The following SIPA1L2 variants were observed in gnomAD, a reference collection of about 807,000 sequenced individuals.
The protein encoded by SIPA1L2 is signal-induced proliferation-associated 1-like protein 2.
Under a neutral mutation model 163.9 loss-of-function variants are expected in SIPA1L2, and 56 were observed. The observed-to-expected ratio is 0.34, with a 90% CI of 0.28 to 0.43. The LOEUF (loss-of-function observed/expected upper bound fraction) is 0.43. Ranked by LOEUF, SIPA1L2 falls within the 20% of genes least tolerant of loss-of-function variation. SIPA1L2 has a pLI of 1.00. For missense variants in SIPA1L2, 1,974 were observed against 2,193.5 expected, an observed-to-expected ratio of 0.90 and a Z score of 2.00; for synonymous variants, 877 against 865.7, an observed-to-expected ratio of 1.01 and a Z score of -0.23.
At chr1:232,619,300 A>G (rs904061489) in intron 1 of SIPA1L2, among the ~76,000 whole-genome samples, 1 of 152,214 alleles carries the variant, frequency 6.6e-6, no homozygotes, top group Non-Finnish European at 1.5e-5. Flanking sequence ...TTCTCAGCTA[A>G]CCACACAGTC....
At chr1:232,539,138 C>T (rs1657488433) in intron 2 of SIPA1L2, among the ~76,000 whole-genome samples, 1 of 152,208 alleles carries the variant, frequency 6.6e-6, no homozygotes, top group African/African-American at 2.4e-5. Flanking sequence ...CAATCTCCAG[C>T]CTTCTACCAG....
In SIPA1L2 at chr1:232,490,985, A is replaced by T. The variant is rs1247175394; in HGVS notation, c.1695T>A (p.Pro565=). Residue 565 remains proline (P), a synonymous_variant, in exon 5 of 23, where the codon CCT becomes CCA. Coordinates refer to ENST00000674635, the MANE Select transcript of SIPA1L2 (RefSeq NM_020808.5). ...TGACGTATTCCAAAACTTCTTTGAG[A>T]GGTAGTCCTCGTGCGGTACCATGCC... ...TARHGTARGL[P]LKEVLEYVIP... 1.2e-6 allele frequency: 2 copies of T among 1,614,180 alleles called. No homozygotes were observed. The highest frequency in any genetic ancestry group is 3.3e-5 in the Admixed American group (2 of 60,032).
At chr1:232,483,402 C>T (rs1034786631) in intron 6 of SIPA1L2, among the ~76,000 whole-genome samples, 4 of 152,112 alleles carry the variant, frequency 2.6e-5, no homozygotes, top group African/African-American at 4.8e-5. Flanking sequence ...CCCAATAACA[C>T]AGCATGAATG....
intron 1 of SIPA1L2, among the ~76,000 whole-genome samples, chr1:232,624,315 T>C (rs773552059): frequency 6.6e-6 from 1 of 152,198 alleles, no homozygotes; most frequent in African/African-American, 2.4e-5. Flanking sequence ...TTCCTAAAAT[T>C]ACTTATTAGA....
In SIPA1L2 at chr1:232,629,996, C is replaced by A. The variant is rs1040808837; in HGVS notation, c.-446G>T. Among the ~76,000 whole-genome samples the A allele has an allele frequency of 6.6e-5, 10 of 150,430 alleles. No homozygotes were observed. Among genetic ancestry groups the A allele is most frequent in the Non-Finnish European group, 1.3e-4 (9 of 67,392 alleles). ...CGGCCCGGACTCTCCCCGCGCCGGG[C>A]TCCGGCGGAGGCGGCCCGGACCCGC... On this transcript the variant is annotated 5_prime_UTR_variant, in exon 1 of 23. Transcript: ENST00000674635.
chr1:232,469,546 G>C (rs1664695703), intron 8 of SIPA1L2, among the ~76,000 whole-genome samples: 1 of 152,186 alleles, frequency 6.6e-6, no homozygotes, highest in South Asian at 2.1e-4. Flanking sequence ...CAACGAAGCT[G>C]ATGAGGCACT....
At chr1:232,538,816 G>A (rs1657468479) in intron 2 of SIPA1L2, among the ~76,000 whole-genome samples, 1 of 152,158 alleles carries the variant, frequency 6.6e-6, no homozygotes, top group South Asian at 2.1e-4. Context: ...CATCAAGAAT[G>A]TGACAGTGGG....
At chr1:232,593,847 C>G (rs1287095220) in intron 1 of SIPA1L2, among the ~76,000 whole-genome samples, 3 of 152,202 alleles carry the variant, frequency 2.0e-5, no homozygotes, top group African/African-American at 7.2e-5. Flanking sequence ...TTGTACCGCC[C>G]TCACCTAAGG....
intron 1 of SIPA1L2, among the ~76,000 whole-genome samples, chr1:232,575,969 T>TA (rs1660055820): frequency 6.6e-6 from 1 of 151,848 alleles, no homozygotes; most frequent in Admixed American, 6.6e-5. Context: ...GTATGTAGAG[T>TA]AAGTCAAATT....
In SIPA1L2 at chr1:232,541,055, T is replaced by C. The variant is rs1657627576; in HGVS notation, c.-269-25447A>G. On this transcript the variant is annotated intron_variant, in intron 2 of 22. Transcript: ENST00000674635. ...GTGGGAGCCAAACAATGAGAACACA[T>C]GGACACAGGGAGAGGAACAACACAC... 2.0e-5 allele frequency among the ~76,000 whole-genome samples: 3 copies of C among 151,912 alleles called. No individual in the cohort carries two copies. The South Asian group carries it at 6.2e-4, about 32-fold the overall frequency.
chr1:232,501,364 C>A (rs1483749971), intron 3 of SIPA1L2, among the ~76,000 whole-genome samples: 1 of 152,164 alleles, frequency 6.6e-6, no homozygotes, highest in African/African-American at 2.4e-5. Flanking sequence ...TTACAATATT[C>A]ATCATATTGA....
intron 1 of SIPA1L2, among the ~76,000 whole-genome samples, chr1:232,621,241 G>A (rs185554828): frequency 1.5e-4 from 23 of 152,288 alleles, no homozygotes; most frequent in African/African-American, 5.5e-4. Context: ...TGAGAGAACA[G>A]GGCAGTTTTT....
intron 1 of SIPA1L2, among the ~76,000 whole-genome samples, chr1:232,614,304 A>G (rs967188144): frequency 2.0e-5 from 3 of 152,210 alleles, no homozygotes; most frequent in African/African-American, 7.2e-5. Flanking sequence ...TCTTAGAGGC[A>G]TGTTAATGTA....
At chr1:232,491,903 C>T (rs1572978100) in intron 4 of SIPA1L2, among the ~76,000 whole-genome samples, 1 of 152,174 alleles carries the variant, frequency 6.6e-6, no homozygotes, top group East Asian at 1.9e-4. Flanking sequence ...TACAGGAGCC[C>T]CTAGCCACAT....
At chr1:232,550,215 T>C (rs1658294637) in intron 2 of SIPA1L2, among the ~76,000 whole-genome samples, 1 of 152,204 alleles carries the variant, frequency 6.6e-6, no homozygotes, top group Non-Finnish European at 1.5e-5. Flanking sequence ...AAAGACCATC[T>C]GTCTAAAAGC....
chr1:232,491,834 C>A (rs943824216), intron 4 of SIPA1L2, among the ~76,000 whole-genome samples: 2 of 152,122 alleles, frequency 1.3e-5, no homozygotes, highest in African/African-American at 4.8e-5. Flanking sequence ...GCATAATGTT[C>A]CATAACACTG....
intron 2 of SIPA1L2, among the ~76,000 whole-genome samples, chr1:232,571,304 T>C (rs938813709): frequency 2.6e-5 from 4 of 152,188 alleles, no homozygotes; most frequent in African/African-American, 7.2e-5. Context: ...TACAATATAT[T>C]GGTAAGTGAA....
intron 5 of SIPA1L2, among the ~76,000 whole-genome samples, chr1:232,487,839 T>C (rs1665722360): frequency 6.6e-6 from 1 of 151,878 alleles, no homozygotes; most frequent in African/African-American, 2.4e-5. Flanking sequence ...ACAGAGTACA[T>C]ATACTCAGTG....
At chr1:232,623,096 T>C (rs1662903000) in intron 1 of SIPA1L2, among the ~76,000 whole-genome samples, 1 of 152,198 alleles carries the variant, frequency 6.6e-6, no homozygotes, top group Non-Finnish European at 1.5e-5. Context: ...TGGAAGTTAC[T>C]GGAGATACAA....
Sources: gnomAD v4.1 joint callset for allele counts (sites outside exome capture counted in the v4.1 genomes callset) on GRCh38, gnomAD v4.1.1 for gene constraint, MANE v1.5 for transcripts, NCBI Gene and HGNC (gene_info 2026-07-23, HGNC 2026-07-21) for gene names.